Variants in SIRPG observed in about 807,000 individuals in gnomAD.
SIRPG encodes the protein signal-regulatory protein gamma.
Under a neutral mutation model 35.7 loss-of-function variants are expected in SIRPG, and 38 were observed. The observed-to-expected ratio is 1.06, with a 90% CI of 0.82 to 1.40. The LOEUF is 1.40. Ranked by LOEUF, SIRPG falls within the 40% of genes most tolerant of loss-of-function variation. The pLI is 0.00. For missense variants in SIRPG, 519 were observed against 483.0 expected (o/e 1.07, Z -0.70); for synonymous variants, 215 against 190.4 (o/e 1.13, Z -1.06).
intron 2 of SIRPG, among the ~76,000 whole-genome samples, chr20:1,648,676 A>G (rs1219798891): frequency 6.6e-6 from 1 of 152,178 alleles, no homozygotes; most frequent in East Asian, 1.9e-4. Flanking sequence ...AAAAGAATAT[A>G]CTTGGCCAGC....
the SIRPG span, among the ~76,000 whole-genome samples, chr20:1,680,529 C>A: frequency 6.6e-6 from 1 of 152,220 alleles, no homozygotes; most frequent in Non-Finnish European, 1.5e-5. Flanking sequence ...GGCATTATTA[C>A]TGCTAGGTTT....
At chr20:1,649,605 T>C (rs887934974) in intron 1 of SIRPG, among the ~76,000 whole-genome samples, 197 bp from the exon 2 acceptor site, 1 of 147,652 alleles carries the variant, frequency 6.8e-6, no homozygotes, top group Non-Finnish European at 1.5e-5. Flanking sequence ...TTGAGGGCAC[T>C]GAGGCCTGAG....
the SIRPG span, chr20:1,665,338 C>T: frequency 1.2e-5 from 2 of 165,890 alleles, no homozygotes; most frequent in African/African-American, 2.4e-5. Context: ...CCCAGCAGGG[C>T]CCTGGGGCCC....
chr20:1,671,074 T>C, the SIRPG span: 1 of 426,416 alleles, frequency 2.3e-6, no homozygotes, highest in East Asian at 7.3e-5. Flanking sequence ...CTCATTCCTA[T>C]TTTTGGACCA....
chr20:1,635,982 G>A (rs1394874131), intron 3 of SIRPG, among the ~76,000 whole-genome samples: 3 of 152,324 alleles, frequency 2.0e-5, no homozygotes, highest in South Asian at 2.1e-4. Flanking sequence ...ACTCTCTAGC[G>A]CAGAGCTTGG....
intron 4 of SIRPG, chr20:1,633,677 C>T (rs1453264912): frequency 5.3e-5 from 8 of 152,168 alleles, no homozygotes; most frequent in Admixed American, 2.0e-4. Flanking sequence ...TGGAAAAATC[C>T]GTGACCTAGC....
chr20:1,658,856 T>C (rs1296556235), upstream of SIRPG, among the ~76,000 whole-genome samples: 1 of 152,136 alleles, frequency 6.6e-6, no homozygotes, highest in Non-Finnish European at 1.5e-5. Context: ...ACCCAGCTTA[T>C]ATAGTGTATT....
chr20:1,668,160 CT>C, the SIRPG span, among the ~76,000 whole-genome samples: 2 of 90,010 alleles, frequency 2.2e-5, no homozygotes, highest in African/African-American at 7.4e-5. Context: ...TTTTTCTTTT[CT>C]TTTCTTTTCT....
the SIRPG span, among the ~76,000 whole-genome samples, chr20:1,667,545 TGAGA>T: frequency 6.6e-6 from 1 of 151,312 alleles, no homozygotes. Context: ...TGGTACCTCC[TGAGA>T]GAGAGAGAGA....
intron 1 of SIRPG, among the ~76,000 whole-genome samples, chr20:1,650,607 G>T (rs1412640747): frequency 6.6e-6 from 1 of 152,098 alleles, no homozygotes; most frequent in Non-Finnish European, 1.5e-5. Context: ...GGAATTCTGG[G>T]ACACTATCAA....
chr20:1,664,686 C>A, the SIRPG span, among the ~76,000 whole-genome samples: 1 of 152,152 alleles, frequency 6.6e-6, no homozygotes, highest in Non-Finnish European at 1.5e-5. Flanking sequence ...CAGGTTTAAT[C>A]ATCTGCTCAT....
At chr20:1,662,949 A>C in the SIRPG span, among the ~76,000 whole-genome samples, 75 of 152,148 alleles carry the variant, frequency 4.9e-4, no homozygotes, top group African/African-American at 1.8e-3. Flanking sequence ...ACTTGAAGGA[A>C]AGAAGAGAGT....
chr20:1,662,241 G>A (rs1372881178), upstream of SIRPG, among the ~76,000 whole-genome samples: 1 of 152,332 alleles, frequency 6.6e-6, no homozygotes, highest in Non-Finnish European at 1.5e-5. Flanking sequence ...GGGAAGGAAA[G>A]CCTGCACTGT....
chr20:1,634,421 A>C (rs961870132), intron 4 of SIRPG, among the ~76,000 whole-genome samples: 1 of 151,294 alleles, frequency 6.6e-6, no homozygotes, highest in South Asian at 2.1e-4. Flanking sequence ...GTTAACCAGG[A>C]TGGTCTCGAT....
At chr20:1,645,298 C>T (rs1336199868) in intron 2 of SIRPG, among the ~76,000 whole-genome samples, 1 of 152,118 alleles carries the variant, frequency 6.6e-6, no homozygotes, top group East Asian at 1.9e-4. Context: ...TGACCTTTGC[C>T]AGGGGACTGG....
Position 1,657,642 on chromosome 20 carries a change from C to T in SIRPG, c.73G>A (p.Glu25Lys), listed in dbSNP as rs760442783. Residue 25 changes from glutamate (E) to lysine (K), a missense_variant and splice_region_variant, in exon 1 of 6, where the codon GAA becomes AAA. Physicochemically the swap from Glu to Lys is moderately conservative, Grantham distance 56. Coordinates refer to ENST00000303415, the MANE Select transcript of SIRPG (RefSeq NM_018556.4). ...GGTTCTAGCCCAATGCAATGCTCAC[C>T]TGTAAGTCCCAGCAGTAGAGTCAGA... Reference protein sequence around the residue: ...LLLTLLLGLTEVAGEEELQMI... With the variant: ...LLLTLLLGLTKVAGEEELQMI... 5.1e-5 allele frequency: 82 copies of T among 1,613,998 alleles called. No homozygotes were observed. In the Admixed American group the frequency reaches 1.3e-3, roughly 26 times the overall value.
At chr20:1,657,076 C>T (rs2091980412) in intron 1 of SIRPG, among the ~76,000 whole-genome samples, 1 of 152,084 alleles carries the variant, frequency 6.6e-6, no homozygotes, top group South Asian at 2.1e-4. Context: ...AATACAGACA[C>T]ACACAGAGGA....
chr20:1,661,231 A>G (rs957340000), upstream of SIRPG, among the ~76,000 whole-genome samples: 24 of 152,292 alleles, frequency 1.6e-4, no homozygotes, highest in African/African-American at 5.8e-4. Flanking sequence ...GTGGAGGTGG[A>G]GTACGACGAT....
At chr20:1,681,354 A>G in the SIRPG span, among the ~76,000 whole-genome samples, 11 of 152,196 alleles carry the variant, frequency 7.2e-5, no homozygotes, top group African/African-American at 2.7e-4. Flanking sequence ...CTGAGCTCAA[A>G]TCATAGCTCT....
Sources: gnomAD v4.1 joint callset for allele counts (sites outside exome capture counted in the v4.1 genomes callset) on GRCh38, gnomAD v4.1.1 for gene constraint, MANE v1.5 for transcripts, NCBI Gene and HGNC (gene_info 2026-07-23, HGNC 2026-07-21) for gene names.